Variants in SYNPO observed in about 807,000 individuals in gnomAD.
The protein encoded by SYNPO is synaptopodin.
SYNPO carries 19 observed loss-of-function variants against 49.5 expected under a neutral mutation model. The observed-to-expected ratio is 0.38, with a 90% CI of 0.27 to 0.56. The LOEUF is 0.56. Ranked by LOEUF, SYNPO falls within the 20% of genes least tolerant of loss-of-function variation. The pLI is 0.68. For missense variants in SYNPO, 1,131 were observed against 1,248.3 expected, an observed-to-expected ratio of 0.91 and a Z score of 1.42; for synonymous variants, 536 against 548.0, an observed-to-expected ratio of 0.98 and a Z score of 0.31.
intron 1 of SYNPO, among the ~76,000 whole-genome samples, chr5:150,609,857 G>A (rs1003725818): frequency 6.6e-6 from 1 of 151,970 alleles, no homozygotes; most frequent in Admixed American, 6.6e-5. Context: ...TCTGCTGACT[G>A]CGTAGCCTTG....
chr5:150,600,206 T>G (rs371485399), upstream of SYNPO, among the ~76,000 whole-genome samples: 4 of 152,374 alleles, frequency 2.6e-5, no homozygotes, highest in East Asian at 5.8e-4. Flanking sequence ...ACCTGAGGCT[T>G]CCAGGTCTGT....
At chr5:150,622,896 G>C (rs558482907) in intron 2 of SYNPO, among the ~76,000 whole-genome samples, 1 of 152,140 alleles carries the variant, frequency 6.6e-6, no homozygotes, top group South Asian at 2.1e-4. Context: ...ACATCCATCC[G>C]TAAACACACA....
chr5:150,655,882 C>G (rs1381047151), intron 2 of SYNPO, among the ~76,000 whole-genome samples: 1 of 152,214 alleles, frequency 6.6e-6, no homozygotes, highest in Non-Finnish European at 1.5e-5. Flanking sequence ...AACTCCTGAC[C>G]TCAGGTGATC....
intron 1 of SYNPO, among the ~76,000 whole-genome samples, chr5:150,644,566 G>C (rs1349937059): frequency 6.6e-6 from 1 of 152,246 alleles, no homozygotes; most frequent in East Asian, 1.9e-4. Flanking sequence ...CTTCATGGCA[G>C]TCAGGCCTTG....
chr5:150,648,799 C>T lies in SYNPO; in HGVS notation c.524C>T (p.Thr175Met), dbSNP rs777440231. 32 of 1,614,126 alleles carry T rather than the reference C, an allele frequency of 2.0e-5. No individual in the cohort carries two copies. The Middle Eastern group carries it at 6.6e-4, about 33-fold the overall frequency. ...ACCAGCACCTTCTCCAGAGAAGCTA[C>T]GCTCATCCCCAGCTCCAGGCCCCCA... ...TTTSTFSREA[T>M]LIPSSRPPAS... Residue 175 changes from threonine (T) to methionine (M), a missense_variant, in exon 2 of 3, where the codon ACG (threonine) becomes ATG (methionine). By Grantham distance (81) the Thr-to-Met change is moderately conservative (BLOSUM62 -1). Transcript: ENST00000307662. The surrounding 1 kb of genome is among the most constrained non-coding windows in gnomAD (Gnocchi z 5.0).
intron 2 of SYNPO, among the ~76,000 whole-genome samples, chr5:150,631,531 C>T (rs1031838784): frequency 6.6e-6 from 1 of 152,156 alleles, no homozygotes; most frequent in African/African-American, 2.4e-5. Flanking sequence ...TGAAGCACCA[C>T]GACGGGAGCT....
In SYNPO at chr5:150,630,379, G is replaced by T. The variant is rs376111320; in HGVS notation, c.400+11612G>T. On this transcript the variant is annotated intron_variant, in intron 2 of 2. Transcript: ENST00000394243. ...GCTTCATCCCTGAGCCTCCTGTCCT[G>T]CCTTCTGGGCCGCTTAGTTCTTGTG... 2.4e-4 allele frequency among the ~76,000 whole-genome samples: 36 copies of T among 152,324 alleles called. No individual in the cohort carries two copies. In the Middle Eastern group the frequency reaches 0.024, roughly 101 times the overall value.
chr5:150,658,010 A>T lies in SYNPO; in HGVS notation c.*923A>T, dbSNP rs1289845660. 1 of 152,402 alleles carries T rather than the reference A, an allele frequency of 6.6e-6. No homozygotes were observed. Among genetic ancestry groups the T allele is most frequent in the Non-Finnish European group, 1.5e-5 (1 of 68,072 alleles). The allele number at this position is 152,402 out of a possible 1,614,324, so 9.4% of individuals were successfully genotyped here. A position where few individuals can be genotyped will look rare whatever the true frequency, so the allele number is the denominator to read the frequency against. ...GGGAGAGAAGAGATACAGAGCTACC[A>T]TGTGACTTTACCTGATTGCCCTCAG... On this transcript the variant is annotated 3_prime_UTR_variant, in exon 3 of 3. Transcript: ENST00000307662.
chr5:150,598,344 G>A (rs1356109605), upstream of SYNPO, among the ~76,000 whole-genome samples: 1 of 152,238 alleles, frequency 6.6e-6, no homozygotes, highest in Non-Finnish European at 1.5e-5. Context: ...GACAGAAAAT[G>A]CTGCCCCTAG....
intron 2 of SYNPO, among the ~76,000 whole-genome samples, chr5:150,633,846 G>A (rs1757619185): frequency 6.6e-6 from 1 of 152,196 alleles, no homozygotes; most frequent in Non-Finnish European, 1.5e-5. Context: ...CATAGGCTGT[G>A]TGCGGTGGCT....
intron 1 of SYNPO, among the ~76,000 whole-genome samples, chr5:150,605,695 C>T (rs1756672269): frequency 6.6e-6 from 1 of 152,010 alleles, no homozygotes; most frequent in Non-Finnish European, 1.5e-5. Context: ...GCTGGACCAC[C>T]TCCTGGGCCA....
At chr5:150,619,018 C>T (rs75417090) in intron 2 of SYNPO, among the ~76,000 whole-genome samples, 2,146 of 151,872 alleles carry the variant, frequency 0.014, 60 homozygotes, top group South Asian at 0.087. Context: ...GAGAGAAAGC[C>T]ACATTATCTT....
At chr5:150,620,911 T>TTTTTTCTTTTTTTC (rs1292201741) in intron 2 of SYNPO, among the ~76,000 whole-genome samples, 33 of 130,536 alleles carry the variant, frequency 2.5e-4, no homozygotes, top group African/African-American at 1.2e-3. Context: ...CTTTCTTTCT[T>TTTTTTCTTTTTTTC]TCTTTCTTTC....
intron 1 of SYNPO, 67 bp from the exon 2 acceptor site, chr5:150,647,877 G>C (rs1446059272): frequency 1.4e-6 from 2 of 1,435,086 alleles, no homozygotes; most frequent in Non-Finnish European, 9.4e-7. Flanking sequence ...CTGTCTGCCT[G>C]TTTGTCCGTG....
At chr5:150,619,875 A>C (rs1295428085) in intron 2 of SYNPO, among the ~76,000 whole-genome samples, 3 of 152,014 alleles carry the variant, frequency 2.0e-5, no homozygotes, top group African/African-American at 7.3e-5. Flanking sequence ...GGGGTCACAC[A>C]GGGGGCTGGG....
At chr5:150,636,759 G>A (rs1157477302), upstream of SYNPO, among the ~76,000 whole-genome samples, 1 of 148,272 alleles carries the variant, frequency 6.7e-6, no homozygotes, top group African/African-American at 2.5e-5. Context: ...GTTCTGGCTA[G>A]AAGTGACATG....
At chr5:150,640,189 G>T, upstream of SYNPO, 3 of 984,940 alleles carry the variant, frequency 3.0e-6, no homozygotes, top group Non-Finnish European at 3.6e-6. Flanking sequence ...ACAAGGTGGT[G>T]GTTATTAAGT....
chr5:150,638,661 G>A (rs1561648271), upstream of SYNPO, among the ~76,000 whole-genome samples: 1 of 152,244 alleles, frequency 6.6e-6, no homozygotes, highest in South Asian at 2.1e-4. Context: ...CCACATCTTT[G>A]TGGCGGGCCC....
intron 2 of SYNPO, among the ~76,000 whole-genome samples, chr5:150,620,260 G>C (rs1757110847): frequency 6.6e-6 from 1 of 152,230 alleles, no homozygotes; most frequent in Non-Finnish European, 1.5e-5. Flanking sequence ...GAGTAATCTA[G>C]ATAGGTATGT....
Sources: gnomAD v4.1 joint callset for allele counts (sites outside exome capture counted in the v4.1 genomes callset) on GRCh38, gnomAD v4.1.1 for gene constraint, Gnocchi (gnomAD v3.1) non-coding constraint, MANE v1.5 for transcripts, NCBI Gene and HGNC (gene_info 2026-07-23, HGNC 2026-07-21) for gene names.